The following ABCA9 variants were observed in gnomAD, a reference collection of about 807,000 sequenced individuals.
ABCA9 encodes the protein ATP-binding cassette sub-family A member 9.
Under a neutral mutation model 205.3 loss-of-function variants are expected in ABCA9, and 183 were observed. That is an observed-to-expected ratio of 0.89 (90% confidence interval 0.79 to 1.01). The LOEUF is 1.01. Ranked by LOEUF, ABCA9 falls within the 50% of genes least tolerant of loss-of-function variation. The pLI is 0.00. For missense variants in ABCA9, 1,805 were observed against 1,912.4 expected (o/e 0.94, Z 1.05); for synonymous variants, 651 against 683.3 (o/e 0.95, Z 0.74).
chr17:68,992,237 G>T lies in ABCA9; in HGVS notation c.3654C>A (p.Phe1218Leu). The T allele has an allele frequency of 1.3e-6, 2 of 1,595,734 alleles. No homozygotes were observed. Among genetic ancestry groups the T allele is most frequent in the South Asian group, 1.1e-5 (1 of 87,160 alleles). ...IPYLHFLIFL[F>L]ILRCLEMNCR... is the part of the protein sequence containing the mutation. ...AGTTCATTTCTAGGCATCGCAGAAT[G>T]AAAAGAAAAATGAGAAAATGAAGGT... Residue 1218 changes from phenylalanine (F) to leucine (L), a missense_variant, in exon 28 of 39, where the codon TTC (phenylalanine) becomes TTA (leucine). Physicochemically the swap from Phe to Leu is conservative, Grantham distance 22 (BLOSUM62 0). Coordinates refer to ENST00000340001, the MANE Select transcript of ABCA9 (RefSeq NM_080283.4).
chr17:69,003,054 G>A (rs2069950364), intron 25 of ABCA9, among the ~76,000 whole-genome samples: 2 of 150,332 alleles, frequency 1.3e-5, no homozygotes, highest in Admixed American at 6.6e-5. Flanking sequence ...ACACTGATGG[G>A]TCTTGACTCT....
intron 20 of ABCA9, chr17:69,018,162 G>T: frequency 2.5e-6 from 1 of 402,740 alleles, no homozygotes; most frequent in Non-Finnish European, 4.3e-6. Flanking sequence ...GTGAGTCAAT[G>T]ATTTACCTCC....
chr17:69,016,422 TC>T (rs2070616910), intron 21 of ABCA9, 32 bp from the exon 22 acceptor site: 1 of 1,531,950 alleles, frequency 6.5e-7, no homozygotes, highest in South Asian at 1.3e-5. Context: ...TTCGAAGTCT[TC>T]ATAAAGCAAA....
intron 18 of ABCA9, among the ~76,000 whole-genome samples, chr17:69,021,213 C>G (rs1160485112): frequency 6.6e-6 from 1 of 151,608 alleles, no homozygotes; most frequent in Non-Finnish European, 1.5e-5. Context: ...AAAAAGACCC[C>G]CAGAAAATTG....
intron 30 of ABCA9, 140 bp downstream of exon 30, chr17:68,989,673 C>T (rs2069380655): frequency 1.7e-6 from 1 of 571,430 alleles, no homozygotes; most frequent in Non-Finnish European, 3.1e-6. Context: ...ATCATTTCAA[C>T]TGAGGCTTTT....
chr17:68,980,451 T>C (rs376843517), intron 37 of ABCA9, among the ~76,000 whole-genome samples: 63 of 151,630 alleles, frequency 4.2e-4, no homozygotes, highest in African/African-American at 1.5e-3. Context: ...ACCCAAAGGA[T>C]TATAAATCAT....
rs917996336 is a variant in ABCA9 at position 69,003,017 on chromosome 17, A to T, written c.3435+4742T>A. On this transcript the variant is annotated intron_variant, in intron 25 of 38. Coordinates refer to ENST00000340001, the MANE Select transcript of ABCA9 (RefSeq NM_080283.4). ...ATTTTGAGCCTATGTGGGTCTCTGC[A>T]TGTGAGATAGGTTTCCTGAATACAG... Among the ~76,000 whole-genome samples the T allele has an allele frequency of 1.1e-4, 16 of 149,190 alleles. 2 individuals carry two copies. Among genetic ancestry groups the T allele is most frequent in the Admixed American group, 1.0e-3 (15 of 15,066 alleles).
At chr17:68,997,702 T>C (rs547562065) in intron 25 of ABCA9, among the ~76,000 whole-genome samples, 2 of 151,874 alleles carry the variant, frequency 1.3e-5, no homozygotes, top group South Asian at 2.1e-4. Context: ...ATTTCTCATA[T>C]ACCCACTGCC....
intron 2 of ABCA9, among the ~76,000 whole-genome samples, chr17:69,050,786 T>C (rs1010767704): frequency 6.6e-6 from 1 of 151,960 alleles, no homozygotes; most frequent in Non-Finnish European, 1.5e-5. Context: ...TTTCAAGGAG[T>C]TTCTGAATAT....
chr17:69,073,167 C>T, the ABCA9 span, among the ~76,000 whole-genome samples: 2 of 152,180 alleles, frequency 1.3e-5, no homozygotes, highest in Non-Finnish European at 2.9e-5. Flanking sequence ...TTTAACACTG[C>T]ATTGTCAATA....
chr17:69,014,860 C>CTT (rs2070523554), intron 22 of ABCA9, among the ~76,000 whole-genome samples: 1 of 152,144 alleles, frequency 6.6e-6, no homozygotes, highest in African/African-American at 2.4e-5. Context: ...ACAGTATGGA[C>CTT]TTTCCTGCAG....
intron 22 of ABCA9, among the ~76,000 whole-genome samples, chr17:69,013,913 C>A (rs1335640386): frequency 1.3e-5 from 2 of 152,004 alleles, no homozygotes; most frequent in African/African-American, 4.8e-5. Flanking sequence ...CCAGAGGTGG[C>A]AATTCAAAGA....
chr17:69,010,960 T>C (rs1300587998), intron 23 of ABCA9, among the ~76,000 whole-genome samples: 2 of 152,170 alleles, frequency 1.3e-5, no homozygotes, highest in Admixed American at 6.5e-5. Flanking sequence ...CTCAGCTATA[T>C]GGTAATATCA....
chr17:69,026,006 G>A (rs1034430400), intron 16 of ABCA9, among the ~76,000 whole-genome samples: 12 of 151,872 alleles, frequency 7.9e-5, no homozygotes, highest in African/African-American at 2.2e-4. Flanking sequence ...ACAAAAGGAT[G>A]GTGGAAAGAA....
chr17:68,975,838 T>C lies in ABCA9; in HGVS notation c.*77A>G, dbSNP rs919618363. On this transcript the variant is annotated 3_prime_UTR_variant, in exon 39 of 39. Coordinates refer to ENST00000340001, the MANE Select transcript of ABCA9 (RefSeq NM_080283.4). ...AATGCATTTTGTACCACCTCTGATA[T>C]AAGGCATATTAAGGCTATAAAATAT... 1 of 1,071,250 alleles carries C rather than the reference T, an allele frequency of 9.3e-7. No individual in the cohort carries two copies. Among genetic ancestry groups the C allele is most frequent in the Non-Finnish European group, 1.4e-6 (1 of 719,016 alleles). The allele number at this position is 1,071,250 out of a possible 1,614,324, so 66.4% of individuals were successfully genotyped here. A position where few individuals can be genotyped will look rare whatever the true frequency, so the allele number is the denominator to read the frequency against.
chr17:69,030,777 A>T (rs1015262805), intron 10 of ABCA9, among the ~76,000 whole-genome samples: 3 of 152,072 alleles, frequency 2.0e-5, no homozygotes, highest in Admixed American at 6.6e-5. Context: ...TTTTTTCCAT[A>T]TGTTTTGATA....
At chr17:69,014,968 T>A (rs866868745) in intron 22 of ABCA9, among the ~76,000 whole-genome samples, 1 of 152,158 alleles carries the variant, frequency 6.6e-6, no homozygotes, top group African/African-American at 2.4e-5. Flanking sequence ...ATGGGTCACC[T>A]GGGCTGTGGT....
At chr17:68,990,782 T>C in intron 29 of ABCA9, 55 bp downstream of exon 29, 1 of 1,590,112 alleles carries the variant, frequency 6.3e-7, no homozygotes, top group Non-Finnish European at 8.5e-7. Context: ...AGAAAGTTTC[T>C]CACTTTATCT....
At chr17:68,986,673 T>C in intron 31 of ABCA9, 1 of 177,660 alleles carries the variant, frequency 5.6e-6, no homozygotes, top group Non-Finnish European at 1.2e-5. Flanking sequence ...ATAGTTATAA[T>C]TATAGGATTT....
Sources: allele counts gnomAD v4.1 joint callset (sites outside exome capture counted in the v4.1 genomes callset), GRCh38; gene constraint gnomAD v4.1.1; transcripts MANE v1.5; gene names NCBI Gene and HGNC (gene_info 2026-07-23, HGNC 2026-07-21).